The following NXNL2 variants were observed in gnomAD, a reference collection of about 807,000 sequenced individuals.
NXNL2 encodes nucleoredoxin-like protein 2.
Under a neutral mutation model 11.1 loss-of-function variants are expected in NXNL2, and 7 were observed. That is an observed-to-expected ratio of 0.63 (90% confidence interval 0.36 to 1.18). The LOEUF is 1.18. Ranked by LOEUF, NXNL2 falls within the 50% of genes most tolerant of loss-of-function variation. NXNL2 has a pLI of 0.02. For synonymous variants in NXNL2, 109 were observed against 101.8 expected, an observed-to-expected ratio of 1.07 and a Z score of -0.42; for missense variants, 233 against 217.7, an observed-to-expected ratio of 1.07 and a Z score of -0.44.
intron 1 of NXNL2, among the ~76,000 whole-genome samples, chr9:88,555,713 CCTTTGCTCGGG>C (rs1331874016): frequency 6.6e-6 from 1 of 152,286 alleles, no homozygotes; most frequent in East Asian, 1.9e-4. Context: ...TCCGGTGGTG[CCTTTGCTCGGG>C]CTTTGCTTGG....
chr9:88,567,615 A>G (rs1162781364), intron 1 of NXNL2, among the ~76,000 whole-genome samples: 1 of 152,202 alleles, frequency 6.6e-6, no homozygotes, highest in East Asian at 1.9e-4. Context: ...TGAATTGGTG[A>G]AAGAGTAAAA....
Position 88,535,511 on chromosome 9 carries a change from A to G in NXNL2, c.77A>G (p.Asn26Ser). 1 of 1,610,458 alleles carries G rather than the reference A, an allele frequency of 6.2e-7. No individual in the cohort carries two copies. The change falls in exon 1 of 2, where the codon AAC becomes AGC. Residue 26 changes from asparagine (N) to serine (S), a missense_variant. Asn to Ser is a conservative substitution (Grantham distance 46). Coordinates refer to ENST00000375854, the MANE Select transcript of NXNL2 (RefSeq NM_001161625.2). Reference protein sequence around the residue: ...ATVEAEAALQNKVVALYFAAA... With the variant: ...ATVEAEAALQSKVVALYFAAA... Reference sequence around the variant, plus strand: ...GTGGAGGCCGAGGCGGCGCTGCAGAACAAGGTGGTGGCACTGTACTTCGCG... The same window carrying G: ...GTGGAGGCCGAGGCGGCGCTGCAGAGCAAGGTGGTGGCACTGTACTTCGCG...
At chr9:88,574,017 T>A (rs1423598403) in intron 2 of NXNL2, among the ~76,000 whole-genome samples, 3 of 152,246 alleles carry the variant, frequency 2.0e-5, no homozygotes, top group African/African-American at 4.8e-5. Context: ...TCTGTATTCC[T>A]GCTGGGATTG....
chr9:88,568,409 C>G (rs920633927), intron 1 of NXNL2, among the ~76,000 whole-genome samples: 2 of 152,138 alleles, frequency 1.3e-5, no homozygotes, highest in African/African-American at 4.8e-5. Flanking sequence ...CCTGGCCAGA[C>G]AGCCATGGAC....
chr9:88,572,618 C>T (rs1043665672), intron 2 of NXNL2, among the ~76,000 whole-genome samples: 6 of 152,184 alleles, frequency 3.9e-5, no homozygotes, highest in African/African-American at 1.2e-4. Context: ...ACAGGGCGAT[C>T]GGCCTGTGCT....
intron 1 of NXNL2, among the ~76,000 whole-genome samples, chr9:88,562,857 AG>A (rs1173673957): frequency 6.6e-6 from 1 of 152,108 alleles, no homozygotes; most frequent in Non-Finnish European, 1.5e-5. Context: ...CGGGAGGCCA[AG>A]GCAGGTGGAT....
At chr9:88,555,164 A>G (rs1229963297) in intron 1 of NXNL2, among the ~76,000 whole-genome samples, 1 of 152,234 alleles carries the variant, frequency 6.6e-6, no homozygotes, top group Non-Finnish European at 1.5e-5. Context: ...GTGAGCTGAC[A>G]GAGAGAGTGA....
intron 1 of NXNL2, among the ~76,000 whole-genome samples, chr9:88,543,702 CA>C (rs1221557960): frequency 6.6e-6 from 1 of 152,208 alleles, no homozygotes; most frequent in Non-Finnish European, 1.5e-5. Context: ...CCACTTGTGA[CA>C]ACTTAAATTT....
intron 1 of NXNL2, among the ~76,000 whole-genome samples, chr9:88,560,414 G>A (rs1031767593): frequency 5.9e-5 from 9 of 151,966 alleles, no homozygotes; most frequent in Non-Finnish European, 1.2e-4. Context: ...ATGGATTGCC[G>A]GGGCATCTCT....
In NXNL2 at chr9:88,560,515, G is replaced by A. The variant is rs1380073825; in HGVS notation, c.303-10572G>A. On this transcript the variant is annotated intron_variant, in intron 1 of 2. Coordinates refer to the NXNL2 transcript ENST00000375855. The stretch of plus-strand genomic sequence containing the variant: ...GCAGGGGACTAGATGTTTATGAAGC[G>A]TAACAGAATCAGTTAGAAAAGGGAA... Among the ~76,000 whole-genome samples, 13 of 151,958 alleles carry A rather than the reference G, an allele frequency of 8.6e-5. No homozygotes were observed. In the East Asian group the frequency reaches 2.1e-3, roughly 25 times the overall value.
chr9:88,546,344 G>A (rs1829845972), downstream of NXNL2, among the ~76,000 whole-genome samples: 1 of 151,940 alleles, frequency 6.6e-6, no homozygotes, highest in Non-Finnish European at 1.5e-5. Context: ...TGTAGGACAT[G>A]GGCCTTCGTC....
At position 88,535,386 on chromosome 9, in the gene NXNL2, C is replaced by T. The variant is rs755558755; in HGVS notation, c.-49C>T. ...TCGCCGCCGCCTCCCCGCAGGTGAT[C>T]ATCCTCCTGCAGGTGTCCTCGGGTC... On this transcript the variant is annotated 5_prime_UTR_variant, in exon 1 of 2. Coordinates refer to ENST00000375854, the MANE Select transcript of NXNL2 (RefSeq NM_001161625.2). The T allele has an allele frequency of 6.7e-7, 1 of 1,491,444 alleles. No individual in the cohort carries two copies. The highest frequency in any genetic ancestry group is 1.3e-5 in the South Asian group (1 of 74,228). 92.4% of individuals were successfully genotyped at this position (1,491,444 alleles called of 1,614,324 possible). A position where few individuals can be genotyped will look rare whatever the true frequency, so the allele number is the denominator to read the frequency against.
At chr9:88,579,388 G>C (rs531064378), downstream of NXNL2, among the ~76,000 whole-genome samples, 12 of 152,278 alleles carry the variant, frequency 7.9e-5, no homozygotes, top group South Asian at 2.5e-3. Flanking sequence ...GGGTGCTGTG[G>C]CAGGACTCAT....
chr9:88,546,509 G>A (rs1406989473), downstream of NXNL2, among the ~76,000 whole-genome samples: 1 of 149,254 alleles, frequency 6.7e-6, no homozygotes, highest in Non-Finnish European at 1.5e-5. Context: ...TCTGCCTCCT[G>A]GGTTCAAGCG....
downstream of NXNL2, chr9:88,584,301 G>A (rs1482991651): frequency 2.0e-5 from 3 of 152,198 alleles, no homozygotes; most frequent in African/African-American, 7.2e-5. Context: ...GATTATAAGG[G>A]TGGGGCCTTA....
intron 1 of NXNL2, among the ~76,000 whole-genome samples, chr9:88,539,219 T>C (rs1420512769): frequency 6.6e-6 from 1 of 152,142 alleles, no homozygotes; most frequent in Non-Finnish European, 1.5e-5. Flanking sequence ...CCAGGTGATG[T>C]TGGTGTTGCT....
chr9:88,542,744 C>T (rs1403406129), intron 1 of NXNL2, among the ~76,000 whole-genome samples: 1 of 152,048 alleles, frequency 6.6e-6, no homozygotes, highest in Non-Finnish European at 1.5e-5. Context: ...GGAAATAAAC[C>T]ATATTCTCTC....
At chr9:88,558,727 C>A (rs1014096165) in intron 1 of NXNL2, among the ~76,000 whole-genome samples, 1 of 152,140 alleles carries the variant, frequency 6.6e-6, no homozygotes, top group Non-Finnish European at 1.5e-5. Context: ...ATAAGACTCC[C>A]AGCTGGTGTC....
At chr9:88,546,792 A>G (rs897603532), downstream of NXNL2, among the ~76,000 whole-genome samples, 1 of 152,104 alleles carries the variant, frequency 6.6e-6, no homozygotes, top group African/African-American at 2.4e-5. Flanking sequence ...TCTTTCCGAG[A>G]ACTGTGTAAT....
Sources: gnomAD v4.1 joint callset for allele counts (sites outside exome capture counted in the v4.1 genomes callset) on GRCh38, gnomAD v4.1.1 for gene constraint, MANE v1.5 for transcripts, NCBI Gene and HGNC (gene_info 2026-07-23, HGNC 2026-07-21) for gene names.